Variants in HMCN2 observed in about 807,000 individuals in gnomAD.
HMCN2 encodes hemicentin 2.
A neutral mutation model predicts 377.5 loss-of-function variants in HMCN2; 325 were observed. The observed-to-expected ratio is 0.86, with a 90% CI of 0.79 to 0.94. The LOEUF (loss-of-function observed/expected upper bound fraction) is 0.94, where lower values mean the gene tolerates loss of function less well. HMCN2 is among the 40% of genes least tolerant of loss of function. The pLI is 0.00. For missense variants in HMCN2, 4,543 were observed against 4,725.3 expected, an observed-to-expected ratio of 0.96 and a Z score of 1.13; for synonymous variants, 2,007 against 2,046.8, an observed-to-expected ratio of 0.98 and a Z score of 0.53.
intron 22 of HMCN2, among the ~76,000 whole-genome samples, chr9:130,333,048 A>G (rs951042360): frequency 6.6e-6 from 1 of 152,120 alleles, no homozygotes; most frequent in Non-Finnish European, 1.5e-5. Context: ...GAGAGCAGGG[A>G]CCCGTGTCAA....
chr9:130,290,787 G>T (rs1001386985), intron 4 of HMCN2, among the ~76,000 whole-genome samples: 9 of 144,400 alleles, frequency 6.2e-5, no homozygotes, highest in Non-Finnish European at 1.3e-4. Context: ...TGCATTTTCA[G>T]AATACAGAAT....
rs772061405 is a variant in HMCN2, at chr9:130,394,389, C to G, written c.10506C>G (p.Pro3502=). The change falls in exon 69 of 98, where the codon CCC becomes CCG. Residue 3502 remains proline (P), a synonymous_variant. Transcript: ENST00000683500. The surrounding 1 kb of genome is among the most constrained non-coding windows in gnomAD (Gnocchi z 5.1). The stretch of plus-strand genomic sequence containing the variant: ...CCCCTCCATGGTGGCTTGCAGAGCC[C>G]CCTCACATTGAGGACTCAGGCCAGC... ...RRHFQLTVME[P]PHIEDSGQPT... The G allele has an allele frequency of 3.0e-4, 392 of 1,289,022 alleles. No individual in the cohort carries two copies. Among genetic ancestry groups the G allele is most frequent in the Non-Finnish European group, 3.8e-4 (378 of 988,388 alleles). 79.8% of individuals were successfully genotyped at this position (1,289,022 alleles called of 1,614,324 possible).
intron 44 of HMCN2, 41 bp downstream of exon 44, chr9:130,368,478 G>A (rs1348136674): frequency 3.1e-6 from 3 of 975,060 alleles, no homozygotes; most frequent in Non-Finnish European, 3.7e-6. Flanking sequence ...CTGGGATCAT[G>A]GACTGGCTGG....
chr9:130,433,708 T>A lies in HMCN2; in HGVS notation c.*15T>A. The A allele has an allele frequency of 5.5e-6, 8 of 1,453,604 alleles. No homozygotes were observed. Among genetic ancestry groups the A allele is most frequent in the Non-Finnish European group, 7.2e-6 (8 of 1,105,276 alleles). The allele number at this position is 1,453,604 out of a possible 1,614,324, so 90.0% of individuals were successfully genotyped here. A position where few individuals can be genotyped will look rare whatever the true frequency, so the allele number is the denominator to read the frequency against. On this transcript the variant is annotated 3_prime_UTR_variant, in exon 98 of 98. Coordinates refer to ENST00000683500, the MANE Select transcript of HMCN2 (RefSeq NM_001291815.2). ...ACCCCTACTAAACGGGAGAGGGCAT[T>A]GGCGGCCGCCCTGGCGTGACCCCCG...
intron 15 of HMCN2, among the ~76,000 whole-genome samples, chr9:130,319,048 C>T (rs2131394439): frequency 6.6e-6 from 1 of 152,152 alleles, no homozygotes; most frequent in East Asian, 1.9e-4. Context: ...GCTCAGGACA[C>T]CTCCAAGAGA....
rs137904883 is a variant in HMCN2 at position 130,283,439 on chromosome 9, C to T, written c.260-1164C>T. ...CCCCAACCCACCCCCCACTCAGTGA[C>T]GATCATTTGTTCTAGTGCTTTGCTT... On this transcript the variant is annotated intron_variant, in intron 1 of 97. Transcript: ENST00000683500. Among the ~76,000 whole-genome samples the T allele has an allele frequency of 5.0e-3, 628 of 126,594 alleles. 3 individuals carry two copies. The highest frequency in any genetic ancestry group is 6.7e-3 in the Non-Finnish European group (417 of 62,336). 83.1% of individuals were successfully genotyped at this position (126,594 alleles called of 152,430 possible).
rs544109974 is a variant in HMCN2 at position 130,360,996 on chromosome 9, C to A, written c.5950+392C>A. Among the ~76,000 whole-genome samples the A allele has an allele frequency of 6.6e-6, 1 of 152,038 alleles. No individual in the cohort carries two copies. Among genetic ancestry groups the A allele is most frequent in the Non-Finnish European group, 1.5e-5 (1 of 67,994 alleles). On this transcript the variant is annotated intron_variant, in intron 38 of 97. Transcript: ENST00000683500. This position sits in a 1 kb window ranked among gnomAD's most constrained non-coding sequence, Gnocchi z 4.7. ...CCTGCCCATTTGTCTACCTGTCCAC[C>A]CTCCCATCCACCCACCCATCTATCC...
intron 59 of HMCN2, among the ~76,000 whole-genome samples, chr9:130,385,168 C>T (rs1202046471): frequency 6.6e-6 from 1 of 151,758 alleles, no homozygotes; most frequent in Non-Finnish European, 1.5e-5. Flanking sequence ...CAGCCAGACA[C>T]TGCGCTAGGC....
intron 25 of HMCN2, among the ~76,000 whole-genome samples, chr9:130,344,837 T>TGTGTGTA (rs1839259187): frequency 6.7e-6 from 1 of 150,242 alleles, no homozygotes; most frequent in African/African-American, 2.5e-5. Context: ...GTGTGTGTGG[T>TGTGTGTA]GTGTGTAGTG....
At position 130,414,502 on chromosome 9, in the gene HMCN2, C is replaced by T. The variant is rs1486437907; in HGVS notation, c.12961+3850C>T. On this transcript the variant is annotated intron_variant, in intron 85 of 97. Transcript: ENST00000683500. The surrounding 1 kb of genome is among the most constrained non-coding windows in gnomAD (Gnocchi z 4.4). Reference sequence around the variant, plus strand: ...TACAATACTGAAACTCACTTACACACCAGGAACAAGGAAAAGCTCAACTTA... The same window carrying T: ...TACAATACTGAAACTCACTTACACATCAGGAACAAGGAAAAGCTCAACTTA... Among the ~76,000 whole-genome samples, 1 of 151,984 alleles carries T rather than the reference C, an allele frequency of 6.6e-6. No individual in the cohort carries two copies. The highest frequency in any genetic ancestry group is 2.4e-5 in the African/African-American group (1 of 41,358).
chr9:130,369,783 G>T lies in HMCN2; in HGVS notation c.7001G>T (p.Gly2334Val). 1 of 985,966 alleles carries T rather than the reference G, an allele frequency of 1.0e-6. No homozygotes were observed. The highest frequency in any genetic ancestry group is 1.2e-6 in the Non-Finnish European group (1 of 830,054). 61.1% of individuals were successfully genotyped at this position (985,966 alleles called of 1,614,324 possible). A position where few individuals can be genotyped will look rare whatever the true frequency, so the allele number is the denominator to read the frequency against. ...GAGCGGGCCCAGGCTGCCCACACTG[G>T]ACGCTACAGCTGTGTGGCCGAGAAC... ...HVERAQAAHT[G>V]RYSCVAENLA... Residue 2334 changes from glycine (G) to valine (V), a missense_variant, in exon 45 of 98, where the codon GGA becomes GTA. Gly to Val is a moderately radical substitution (Grantham distance 109, BLOSUM62 -3). This residue lies in a region of HMCN2 where 1,032 missense variants were observed against 1,285.1 expected (regional missense o/e 0.80). Transcript: ENST00000683500. The surrounding 1 kb of genome is among the most constrained non-coding windows in gnomAD (Gnocchi z 4.5).
rs574405275 is a variant in HMCN2, at chr9:130,369,158, T to C, written c.6788-412T>C. ...GCCCTATCTACTGGTCCTGCAGTGA[T>C]GAAATGAAATCCCCCAGCCTGGTAA... is the stretch of plus-strand genomic sequence containing the variant. On this transcript the variant is annotated intron_variant, in intron 44 of 97. Coordinates refer to ENST00000683500, the MANE Select transcript of HMCN2 (RefSeq NM_001291815.2). The surrounding 1 kb of genome is among the most constrained non-coding windows in gnomAD (Gnocchi z 4.5). Among the ~76,000 whole-genome samples, 161 of 152,322 alleles carry C rather than the reference T, an allele frequency of 1.1e-3. No individual in the cohort carries two copies. Among genetic ancestry groups the C allele is most frequent in the South Asian group, 8.9e-3 (43 of 4,822 alleles).
intron 74 of HMCN2, among the ~76,000 whole-genome samples, chr9:130,398,348 G>T (rs569851530): frequency 6.6e-6 from 1 of 152,118 alleles, no homozygotes; most frequent in African/African-American, 2.4e-5. Flanking sequence ...GCACTGAGGG[G>T]GTGCCAGGCT....
At chr9:130,285,409 G>C (rs1335001791) in intron 3 of HMCN2, 93 bp downstream of exon 3, 8 of 426,554 alleles carry the variant, frequency 1.9e-5, no homozygotes, top group African/African-American at 1.6e-4. Context: ...ACCTCCTGGA[G>C]AGCAGAGCTG....
Position 130,303,466 on chromosome 9 carries a change from C to T in HMCN2, c.1422-21C>T, listed in dbSNP as rs554499709. 33 of 443,064 alleles carry T rather than the reference C, an allele frequency of 7.4e-5. No homozygotes were observed. The highest frequency in any genetic ancestry group is 6.5e-4 in the African/African-American group (32 of 49,128). 27.4% of individuals were successfully genotyped at this position (443,064 alleles called of 1,614,324 possible). A position where few individuals can be genotyped will look rare whatever the true frequency, so the allele number is the denominator to read the frequency against. ...TGGGGGTCAGTGTGATTGTGTGTCT[C>T]CCACTGTTCCCTGTTTGCAGGGAGT... On this transcript the variant is annotated intron_variant, in intron 9 of 97. Transcript: ENST00000683500. The surrounding 1 kb of genome is among the most constrained non-coding windows in gnomAD (Gnocchi z 5.2).
At position 130,351,708 on chromosome 9, in the gene HMCN2, A is replaced by C. The variant is rs1839725150; in HGVS notation, c.4585+131A>C. ...GGTGAGTGATCCCTGAGTCCAAGAA[A>C]GCTGGGGGCTGGGGTCGGGGTTGGG... On this transcript the variant is annotated intron_variant, in intron 30 of 97. Transcript: ENST00000683500. This position sits in a 1 kb window ranked among gnomAD's most constrained non-coding sequence, Gnocchi z 5.4. 4.6e-6 allele frequency: 3 copies of C among 655,452 alleles called. No individual in the cohort carries two copies. The highest frequency in any genetic ancestry group is 4.3e-6 in the Non-Finnish European group (2 of 464,380). The allele number at this position is 655,452 out of a possible 1,614,324, so 40.6% of individuals were successfully genotyped here.
chr9:130,364,098 A>T (rs1321771720), intron 40 of HMCN2, among the ~76,000 whole-genome samples: 2 of 152,250 alleles, frequency 1.3e-5, no homozygotes, highest in Non-Finnish European at 2.9e-5. Flanking sequence ...TGGAGTGAAG[A>T]TGGTGGTTAA....
intron 22 of HMCN2, among the ~76,000 whole-genome samples, chr9:130,330,872 G>A (rs1838387863): frequency 6.6e-6 from 1 of 152,034 alleles, no homozygotes; most frequent in Non-Finnish European, 1.5e-5. Flanking sequence ...GCTCATGCCT[G>A]TAATCCCAGC....
intron 4 of HMCN2, among the ~76,000 whole-genome samples, chr9:130,291,459 C>G (rs1477501044): frequency 6.6e-6 from 1 of 152,202 alleles, no homozygotes; most frequent in Non-Finnish European, 1.5e-5. Flanking sequence ...ATCCGCCTGC[C>G]TCGGCCTCCC....
Sources: allele counts gnomAD v4.1 joint callset (sites outside exome capture counted in the v4.1 genomes callset), GRCh38; gene constraint gnomAD v4.1.1; regional missense constraint gnomAD v4.1.1; non-coding constraint Gnocchi (gnomAD v3.1); transcripts MANE v1.5; gene names NCBI Gene and HGNC (gene_info 2026-07-23, HGNC 2026-07-21).